DPP6: variants seen among roughly 807,000 people sequenced by gnomAD.
DPP6 encodes A-type potassium channel modulatory protein DPP6.
Under a neutral mutation model 122.6 loss-of-function variants are expected in DPP6, and 69 were observed. That is an observed-to-expected ratio of 0.56 (90% confidence interval 0.46 to 0.69). DPP6 has a LOEUF of 0.69. DPP6 is among the 30% of genes least tolerant of loss of function. The probability of loss-of-function intolerance (pLI) is 0.00; values close to 1 mark genes in which losing one functional copy is unlikely to be tolerated. For missense variants in DPP6, 928 were observed against 1,116.9 expected (o/e 0.83, Z 2.41); for synonymous variants, 418 against 433.1 (o/e 0.97, Z 0.43).
intron 7 of DPP6, among the ~76,000 whole-genome samples, chr7:154,689,096 C>G (rs1839793887): frequency 6.6e-6 from 1 of 152,190 alleles, no homozygotes; most frequent in African/African-American, 2.4e-5. Context: ...CCTGATCTTA[C>G]TCCACTCTCC....
intron 1 of DPP6, among the ~76,000 whole-genome samples, chr7:154,133,954 A>G (rs571891199): frequency 1.7e-4 from 26 of 151,624 alleles, no homozygotes; most frequent in South Asian, 1.7e-3. Context: ...CAGCCTGCCA[A>G]TGTGATGGGA....
Position 154,872,586 on chromosome 7 carries a change from T to C in DPP6, c.1814-38T>C, listed in dbSNP as rs1804488651. The C allele has an allele frequency of 1.9e-6, 3 of 1,570,880 alleles. No individual in the cohort carries two copies. The East Asian group carries it at 7.1e-5, about 37-fold the overall frequency. On this transcript the variant is annotated intron_variant, in intron 18 of 25. Coordinates refer to ENST00000377770, the MANE Select transcript of DPP6 (RefSeq NM_130797.4). The stretch of plus-strand genomic sequence containing the variant: ...CATGCCCGATACCCCGTGGCCAGCA[T>C]TGCCCCCTAACCCGTGCTGTGCTCT...
At chr7:153,951,668 A>G (rs1451551699) in intron 1 of DPP6, among the ~76,000 whole-genome samples, 1 of 152,092 alleles carries the variant, frequency 6.6e-6, no homozygotes. Context: ...ATTTCTGGAT[A>G]CTATCCTAAA....
At chr7:154,005,860 G>A (rs1025770453) in intron 1 of DPP6, among the ~76,000 whole-genome samples, 1 of 152,118 alleles carries the variant, frequency 6.6e-6, no homozygotes, top group Non-Finnish European at 1.5e-5. Flanking sequence ...CAGAGTGTTG[G>A]CGGCTATGGA....
chr7:153,975,172 G>A (rs1796230621), intron 1 of DPP6, among the ~76,000 whole-genome samples: 1 of 151,962 alleles, frequency 6.6e-6, no homozygotes, highest in Non-Finnish European at 1.5e-5. Flanking sequence ...GGGAATTCGG[G>A]TGTATAGCCA....
intron 1 of DPP6, among the ~76,000 whole-genome samples, chr7:154,207,832 G>T (rs373471756): frequency 6.6e-6 from 1 of 152,136 alleles, no homozygotes. Flanking sequence ...GCGCAGGCCT[G>T]TAATCCCAGC....
At chr7:154,321,135 T>C (rs1807913967) in intron 1 of DPP6, among the ~76,000 whole-genome samples, 1 of 151,938 alleles carries the variant, frequency 6.6e-6, no homozygotes, top group Admixed American at 6.6e-5. Context: ...ATACCAAAAT[T>C]AGCAGGTGGT....
chr7:154,815,219 T>A (rs551699348), intron 16 of DPP6, among the ~76,000 whole-genome samples: 25 of 152,356 alleles, frequency 1.6e-4, no homozygotes, highest in South Asian at 1.0e-3. Flanking sequence ...CTGAAGGAAG[T>A]AATGTGATAC....
intron 5 of DPP6, among the ~76,000 whole-genome samples, chr7:154,626,101 G>A (rs975970986): frequency 1.3e-5 from 2 of 152,148 alleles, no homozygotes; most frequent in Non-Finnish European, 2.9e-5. Flanking sequence ...GCATGCTGGT[G>A]TGCATCCTGG....
At position 154,760,127 on chromosome 7, in the gene DPP6, C is replaced by CA. The variant is rs201816589; in HGVS notation, c.884-9282dup. Among the ~76,000 whole-genome samples, 674 of 151,666 alleles carry CA rather than the reference C, an allele frequency of 4.4e-3. 3 individuals carry two copies. Among genetic ancestry groups the CA allele is most frequent in the African/African-American group, 0.013 (533 of 41,384 alleles). ...GACAGAGCGAGATTCTGTCTCAAAACAAAAAAAAGTCTATTCCCAAGGAGA... is the reference window on the plus strand; with the variant it reads ...GACAGAGCGAGATTCTGTCTCAAAACAAAAAAAAAGTCTATTCCCAAGGAGA... On this transcript the variant is annotated intron_variant, in intron 8 of 25. Transcript: ENST00000377770. This position sits in a 1 kb window ranked among gnomAD's most constrained non-coding sequence, Gnocchi z 4.5.
chr7:154,284,820 A>C (rs1395177327), intron 1 of DPP6, among the ~76,000 whole-genome samples: 1 of 152,228 alleles, frequency 6.6e-6, no homozygotes, highest in African/African-American at 2.4e-5. Context: ...GGGCCACTGC[A>C]CTCCAGCCTG....
Position 154,788,944 on chromosome 7 carries a change from T to C in DPP6, c.1137-5135T>C, listed in dbSNP as rs116209972. Among the ~76,000 whole-genome samples the C allele has an allele frequency of 8.8e-3, 1,348 of 152,342 alleles. 16 individuals are homozygous for C. Among genetic ancestry groups the C allele is most frequent in the African/African-American group, 0.031 (1,285 of 41,572 alleles). ...TTTTCTAATTTTAGTTTTAGTTTCCTTGCAGCCCCCTCATCTCCCTTTTTG... is the reference window on the plus strand; with the variant it reads ...TTTTCTAATTTTAGTTTTAGTTTCCCTGCAGCCCCCTCATCTCCCTTTTTG... On this transcript the variant is annotated intron_variant, in intron 10 of 25. Transcript: ENST00000377770.
chr7:154,311,120 G>T (rs1472922957), intron 1 of DPP6, among the ~76,000 whole-genome samples: 1 of 152,056 alleles, frequency 6.6e-6, no homozygotes, highest in Admixed American at 6.5e-5. Context: ...GACACTGTTT[G>T]GAAAAACAAA....
chr7:153,984,567 A>G (rs1453149163), intron 1 of DPP6, among the ~76,000 whole-genome samples: 1 of 152,140 alleles, frequency 6.6e-6, no homozygotes, highest in Non-Finnish European at 1.5e-5. Flanking sequence ...TTTTTATTGC[A>G]TAAAAAATGA....
At chr7:154,806,225 A>C (rs1477123226) in intron 15 of DPP6, among the ~76,000 whole-genome samples, 1 of 152,228 alleles carries the variant, frequency 6.6e-6, no homozygotes, top group Non-Finnish European at 1.5e-5. Flanking sequence ...CCCGTGAAAT[A>C]TCTTTGCTCC....
chr7:154,219,614 T>A (rs1377922582), intron 1 of DPP6, among the ~76,000 whole-genome samples: 1 of 152,014 alleles, frequency 6.6e-6, no homozygotes, highest in Non-Finnish European at 1.5e-5. Context: ...AGTCTCCCAC[T>A]ATCGTTCTGT....
Position 154,875,898 on chromosome 7 carries a change from C to G in DPP6, c.1884-8C>G, listed in dbSNP as rs1403574316. On this transcript the variant is annotated splice_polypyrimidine_tract_variant and splice_region_variant and intron_variant, in intron 19 of 25. Coordinates refer to ENST00000377770, the MANE Select transcript of DPP6 (RefSeq NM_130797.4). The surrounding 1 kb of genome is among the most constrained non-coding windows in gnomAD (Gnocchi z 4.5). ...GCAGGCCTGCTGAGCCCGGGATTCTCTTTCCAGGGATGGCACCCCAGGCAG... is the reference window on the plus strand; with the variant it reads ...GCAGGCCTGCTGAGCCCGGGATTCTGTTTCCAGGGATGGCACCCCAGGCAG... The G allele has an allele frequency of 6.2e-7, 1 of 1,604,400 alleles. No individual in the cohort carries two copies. The highest frequency in any genetic ancestry group is 8.5e-7 in the Non-Finnish European group (1 of 1,175,762).
intron 7 of DPP6, among the ~76,000 whole-genome samples, chr7:154,707,580 G>A (rs925535451): frequency 6.6e-6 from 1 of 152,210 alleles, no homozygotes; most frequent in South Asian, 2.1e-4. Flanking sequence ...CCCCGAGGGT[G>A]TTTGTGGTGT....
rs140376779 is a variant in DPP6, at chr7:154,721,699, C to T, written c.763-6068C>T. 6.2e-3 allele frequency among the ~76,000 whole-genome samples: 945 copies of T among 152,290 alleles called. 13 individuals carry two copies. Among genetic ancestry groups the T allele is most frequent in the African/African-American group, 0.022 (895 of 41,550 alleles). On this transcript the variant is annotated intron_variant, in intron 7 of 25. Transcript: ENST00000377770. ...AAAGCATTAATCCTTAACATTCTAG[C>T]TCACATGACACCTCCTCTGAAGCCT...
Sources: allele counts gnomAD v4.1 joint callset (sites outside exome capture counted in the v4.1 genomes callset), GRCh38; gene constraint gnomAD v4.1.1; non-coding constraint Gnocchi (gnomAD v3.1); transcripts MANE v1.5; gene names NCBI Gene and HGNC (gene_info 2026-07-23, HGNC 2026-07-21).